Variants in SGCD observed in about 807,000 individuals in gnomAD.
The protein encoded by SGCD is sarcoglycan delta.
SGCD carries 18 observed loss-of-function variants against 36.6 expected under a neutral mutation model. That is an observed-to-expected ratio of 0.49 (90% CI 0.34 to 0.73). The LOEUF is 0.73. Ranked by LOEUF, SGCD falls within the 30% of genes least tolerant of loss-of-function variation. The pLI, the probability that SGCD is intolerant of heterozygous loss-of-function variation, is 0.01. For synonymous variants in SGCD, 133 were observed against 130.6 expected (o/e 1.02, Z -0.12); for missense variants, 387 against 346.7 (o/e 1.12, Z -0.92).
At chr5:156,418,311 C>G (rs1350288431) in intron 3 of SGCD, among the ~76,000 whole-genome samples, 1 of 152,142 alleles carries the variant, frequency 6.6e-6, no homozygotes, top group Non-Finnish European at 1.5e-5. Context: ...TAAATTGACT[C>G]TGATCCTAAG....
chr5:156,201,942 C>T (rs931964785), intron 3 of SGCD, among the ~76,000 whole-genome samples: 1 of 152,134 alleles, frequency 6.6e-6, no homozygotes, highest in African/African-American at 2.4e-5. Flanking sequence ...GGAGAGCAGC[C>T]ATCTGAGCAG....
intron 1 of SGCD, among the ~76,000 whole-genome samples, chr5:155,930,721 TG>T (rs959503060): frequency 2.6e-5 from 4 of 152,314 alleles, no homozygotes; most frequent in East Asian, 1.9e-4. Context: ...TGTCATTACT[TG>T]GGAAACTGGA....
At chr5:156,146,144 T>C (rs552843626) in intron 3 of SGCD, among the ~76,000 whole-genome samples, 22 of 152,016 alleles carry the variant, frequency 1.4e-4, no homozygotes, top group African/African-American at 4.6e-4. Context: ...ACCTGGGAGG[T>C]GGAGCTTGCA....
At chr5:155,972,844 A>C (rs1758034077) in intron 1 of SGCD, among the ~76,000 whole-genome samples, 1 of 152,134 alleles carries the variant, frequency 6.6e-6, no homozygotes, top group Admixed American at 6.6e-5. Flanking sequence ...TTTTCATATG[A>C]CTGTCATTCA....
At chr5:155,870,005 A>G (rs1427071802), upstream of SGCD, among the ~76,000 whole-genome samples, 2 of 152,122 alleles carry the variant, frequency 1.3e-5, no homozygotes, top group East Asian at 3.9e-4. Flanking sequence ...TCTCAACAAC[A>G]ACAACAACAA....
chr5:156,024,441 C>A (rs1001148210), intron 1 of SGCD, among the ~76,000 whole-genome samples: 1 of 151,574 alleles, frequency 6.6e-6, no homozygotes, highest in Non-Finnish European at 1.5e-5. Flanking sequence ...CAGTTTTTTG[C>A]ATTTCCAACC....
chr5:156,431,462 C>A (rs977910920), intron 3 of SGCD, among the ~76,000 whole-genome samples: 1 of 152,092 alleles, frequency 6.6e-6, no homozygotes, highest in Non-Finnish European at 1.5e-5. Flanking sequence ...AACAAGGACC[C>A]CTTCTCCAAG....
At chr5:156,609,199 T>G (rs1761649884) in intron 6 of SGCD, among the ~76,000 whole-genome samples, 2 of 152,218 alleles carry the variant, frequency 1.3e-5, no homozygotes, top group South Asian at 2.1e-4. Flanking sequence ...TTCCTTTCCA[T>G]GTTGAGTGCT....
At chr5:156,652,599 C>T (rs73301167) in intron 7 of SGCD, among the ~76,000 whole-genome samples, 4,034 of 152,122 alleles carry the variant, frequency 0.027, 180 homozygotes, top group African/African-American at 0.092. Context: ...CTGATTGCTG[C>T]GGCAAAGACT....
At chr5:156,676,462 C>T (rs150458613) in intron 7 of SGCD, among the ~76,000 whole-genome samples, 21 of 152,300 alleles carry the variant, frequency 1.4e-4, no homozygotes, top group African/African-American at 5.1e-4. Flanking sequence ...ACAGACACTG[C>T]GAATGAGTTC....
chr5:155,969,378 G>C (rs534464382), intron 1 of SGCD, among the ~76,000 whole-genome samples: 1 of 152,212 alleles, frequency 6.6e-6, no homozygotes, highest in South Asian at 2.1e-4. Context: ...TTGCCTGTAA[G>C]AAATCCTACA....
At chr5:156,636,380 G>A (rs897697800) in intron 6 of SGCD, among the ~76,000 whole-genome samples, 1 of 152,136 alleles carries the variant, frequency 6.6e-6, no homozygotes, top group Non-Finnish European at 1.5e-5. Flanking sequence ...AGTTCCTGCT[G>A]CTTGTCTAGA....
chr5:156,401,495 G>A (rs1772144992), intron 3 of SGCD, among the ~76,000 whole-genome samples: 1 of 152,202 alleles, frequency 6.6e-6, no homozygotes, highest in East Asian at 1.9e-4. Context: ...GCTGCCTAGT[G>A]TAGAGAGCTG....
the SGCD span, among the ~76,000 whole-genome samples, chr5:155,814,279 C>T: frequency 6.6e-6 from 1 of 152,212 alleles, no homozygotes; most frequent in Non-Finnish European, 1.5e-5. Context: ...GAATGTTCTC[C>T]TATTTCCCAT....
chr5:155,967,191 C>A (rs144227544), intron 1 of SGCD, among the ~76,000 whole-genome samples: 1 of 151,984 alleles, frequency 6.6e-6, no homozygotes, highest in Non-Finnish European at 1.5e-5. Flanking sequence ...AGATGTTGAG[C>A]TGCCTGGGGA....
intron 4 of SGCD, among the ~76,000 whole-genome samples, chr5:156,581,156 C>T (rs1308596372): frequency 1.3e-5 from 2 of 152,274 alleles, no homozygotes; most frequent in South Asian, 2.1e-4. Context: ...CTGTCACGTC[C>T]CTCAGCTGCA....
At chr5:155,833,641 G>A in the SGCD span, among the ~76,000 whole-genome samples, 4 of 152,282 alleles carry the variant, frequency 2.6e-5, no homozygotes, top group Admixed American at 6.5e-5. Flanking sequence ...TTCATTTTGC[G>A]AGCTCCAGTC....
chr5:156,203,047 A>C (rs1400179955), intron 3 of SGCD, among the ~76,000 whole-genome samples: 1 of 152,160 alleles, frequency 6.6e-6, no homozygotes, highest in African/African-American at 2.4e-5. Context: ...AGGATGCATC[A>C]TATCCCAAAG....
chr5:156,558,878 G>A (rs756985598), intron 4 of SGCD, among the ~76,000 whole-genome samples: 5 of 152,124 alleles, frequency 3.3e-5, no homozygotes, highest in African/African-American at 4.8e-5. Context: ...GTAAAAAGAC[G>A]ATCAGGTGTT....
Sources: allele counts gnomAD v4.1 joint callset (sites outside exome capture counted in the v4.1 genomes callset), GRCh38; gene constraint gnomAD v4.1.1; transcripts MANE v1.5; gene names NCBI Gene and HGNC (gene_info 2026-07-23, HGNC 2026-07-21).